RIT2: variants seen among roughly 807,000 people sequenced by gnomAD.
RIT2 encodes GTP-binding protein Rit2.
In RIT2, 24 loss-of-function variants were observed where a neutral mutation model predicts 23.7. The ratio of observed to expected loss-of-function variants is 1.01; its 90% CI spans 0.73 to 1.43. The LOEUF is 1.43. RIT2 is among the 40% of genes most tolerant of loss of function. The probability of loss-of-function intolerance (pLI) is 0.00; values close to 1 mark genes in which losing one functional copy is unlikely to be tolerated. For synonymous variants in RIT2, 107 were observed against 91.1 expected (o/e 1.17, Z -0.99); for missense variants, 236 against 266.9 (o/e 0.88, Z 0.81).
chr18:43,047,788 A>G (rs990841078), intron 1 of RIT2, among the ~76,000 whole-genome samples: 2 of 152,176 alleles, frequency 1.3e-5, no homozygotes, highest in African/African-American at 4.8e-5. Flanking sequence ...ACAATTTAAT[A>G]ATAGATGTCA....
intron 3 of RIT2, among the ~76,000 whole-genome samples, chr18:42,969,671 C>CAA (rs780059662): frequency 2.8e-5 from 3 of 105,558 alleles, no homozygotes; most frequent in African/African-American, 6.7e-5. Context: ...GTTAGCATTT[C>CAA]AAAAAAAAAA....
At chr18:43,109,540 A>G (rs555256834) in intron 1 of RIT2, among the ~76,000 whole-genome samples, 4 of 152,286 alleles carry the variant, frequency 2.6e-5, no homozygotes, top group South Asian at 2.1e-4. Flanking sequence ...TTCAGCATCA[A>G]AAAAATCCTC....
chr18:42,920,822 A>G, intron 4 of RIT2: 1 of 1,061,754 alleles, frequency 9.4e-7, no homozygotes, highest in Non-Finnish European at 1.4e-6. Flanking sequence ...CCACTAAACA[A>G]TAGCACCAGT....
intron 1 of RIT2, among the ~76,000 whole-genome samples, chr18:43,058,511 T>C (rs1912562771): frequency 6.6e-6 from 1 of 152,134 alleles, no homozygotes; most frequent in Non-Finnish European, 1.5e-5. Context: ...CGTCCTTGTG[T>C]GTGTATGTGA....
At chr18:42,959,401 G>A (rs947696670) in intron 3 of RIT2, among the ~76,000 whole-genome samples, 1 of 152,240 alleles carries the variant, frequency 6.6e-6, no homozygotes, top group East Asian at 1.9e-4. Flanking sequence ...TATATAATAA[G>A]TTTAACAAGT....
intron 2 of RIT2, among the ~76,000 whole-genome samples, chr18:42,981,585 A>C (rs901897318): frequency 6.6e-6 from 1 of 152,110 alleles, no homozygotes; most frequent in African/African-American, 2.4e-5. Context: ...TCATCATCCC[A>C]AAAGACACAA....
chr18:42,952,568 G>A (rs1469720350), intron 3 of RIT2, among the ~76,000 whole-genome samples: 2 of 151,960 alleles, frequency 1.3e-5, no homozygotes, highest in Non-Finnish European at 2.9e-5. Flanking sequence ...GAGCGTGGAA[G>A]GAAATTTCTG....
At chr18:42,988,899 G>A (rs565453045) in intron 2 of RIT2, among the ~76,000 whole-genome samples, 1 of 152,176 alleles carries the variant, frequency 6.6e-6, no homozygotes, top group Non-Finnish European at 1.5e-5. Flanking sequence ...CCACGGGTTA[G>A]GGCAGCAATC....
At chr18:42,907,319 A>G (rs751524173) in intron 4 of RIT2, among the ~76,000 whole-genome samples, 55 of 152,294 alleles carry the variant, frequency 3.6e-4, no homozygotes, top group Non-Finnish European at 7.4e-4. Flanking sequence ...CGATTGTTTA[A>G]AAGTTCAAAG....
intron 3 of RIT2, among the ~76,000 whole-genome samples, chr18:42,952,632 T>C (rs1470576294): frequency 2.0e-5 from 3 of 152,126 alleles, no homozygotes; most frequent in East Asian, 1.9e-4. Flanking sequence ...CACAGATGTA[T>C]ACTGTACAGC....
intron 2 of RIT2, among the ~76,000 whole-genome samples, chr18:42,995,968 C>T (rs1910973667): frequency 6.6e-6 from 1 of 152,144 alleles, no homozygotes; most frequent in Admixed American, 6.6e-5. Context: ...GGTGCTATCC[C>T]CAAACTGCCA....
chr18:42,898,705 T>C (rs1417475257), intron 4 of RIT2, among the ~76,000 whole-genome samples: 2 of 152,208 alleles, frequency 1.3e-5, no homozygotes, highest in Non-Finnish European at 2.9e-5. Context: ...GGTTTACGGA[T>C]TCCATGTGAT....
intron 2 of RIT2, among the ~76,000 whole-genome samples, chr18:43,007,922 G>C (rs1282908035): frequency 6.6e-6 from 1 of 151,640 alleles, no homozygotes; most frequent in African/African-American, 2.4e-5. Context: ...AGAAAAGATA[G>C]AGTTGGGATA....
chr18:42,790,499 G>A (rs1243108990), intron 4 of RIT2, among the ~76,000 whole-genome samples: 1 of 152,226 alleles, frequency 6.6e-6, no homozygotes, highest in Non-Finnish European at 1.5e-5. Flanking sequence ...CCGGAATGCA[G>A]TGGCGCCATC....
chr18:42,802,756 C>T (rs1905577324), intron 4 of RIT2, among the ~76,000 whole-genome samples: 1 of 152,286 alleles, frequency 6.6e-6, no homozygotes, highest in African/African-American at 2.4e-5. Flanking sequence ...CTGCTGATTA[C>T]ATGAATGTTT....
chr18:42,814,995 A>G (rs1358650080), intron 4 of RIT2, among the ~76,000 whole-genome samples: 1 of 152,172 alleles, frequency 6.6e-6, no homozygotes, highest in Admixed American at 6.5e-5. Flanking sequence ...TCAGGGGAAC[A>G]TCCCGTGGGA....
intron 1 of RIT2, among the ~76,000 whole-genome samples, chr18:43,096,422 G>A (rs1030211398): frequency 6.6e-6 from 1 of 151,786 alleles, no homozygotes; most frequent in Non-Finnish European, 1.5e-5. Flanking sequence ...AGTACACCAT[G>A]TGTATAATAT....
At chr18:42,965,489 T>C (rs1318052499) in intron 3 of RIT2, among the ~76,000 whole-genome samples, 1 of 152,146 alleles carries the variant, frequency 6.6e-6, no homozygotes, top group Non-Finnish European at 1.5e-5. Context: ...ATCTTTCATA[T>C]AGATACCAAA....
chr18:42,976,803 T>C lies in RIT2; in HGVS notation c.161-2656A>G, dbSNP rs181204152. On this transcript the variant is annotated intron_variant, in intron 2 of 4. Coordinates refer to ENST00000326695, the MANE Select transcript of RIT2 (RefSeq NM_002930.4). ...GTGAGTGAATTGCAAGACGGAAGAC[T>C]AGAGGCACAGAAAGAAGATTAAGTA... Among the ~76,000 whole-genome samples, 186 of 152,170 alleles carry C rather than the reference T, an allele frequency of 1.2e-3. 1 individual carries two copies. In the South Asian group the frequency reaches 0.013, roughly 11 times the overall value.
Sources: gnomAD v4.1 joint callset for allele counts (sites outside exome capture counted in the v4.1 genomes callset) on GRCh38, gnomAD v4.1.1 for gene constraint, MANE v1.5 for transcripts, NCBI Gene and HGNC (gene_info 2026-07-23, HGNC 2026-07-21) for gene names.